ATAD3A: variants seen among roughly 807,000 people sequenced by gnomAD.
The protein encoded by ATAD3A is ATPase family AAA domain containing 3A.
In ATAD3A, 46 loss-of-function variants were observed where a neutral mutation model predicts 73.8. The ratio of observed to expected loss-of-function variants is 0.62; its 90% CI spans 0.49 to 0.80. The LOEUF (loss-of-function observed/expected upper bound fraction) is 0.80, where lower values mean the gene tolerates loss of function less well. Among genes scored for constraint, ATAD3A ranks in the 30% least tolerant of loss-of-function variants. The pLI, the probability that ATAD3A is intolerant of heterozygous loss-of-function variation, is 0.00. For missense variants in ATAD3A, 705 were observed against 838.0 expected, an observed-to-expected ratio of 0.84 and a Z score of 1.96; for synonymous variants, 319 against 350.0, an observed-to-expected ratio of 0.91 and a Z score of 0.99.
At chr1:1,525,376 A>G in intron 12 of ATAD3A, 85 bp downstream of exon 12, 10 of 1,463,164 alleles carry the variant, frequency 6.8e-6, no homozygotes, top group East Asian at 2.3e-5. Flanking sequence ...CCCTCTGTTC[A>G]GTTTCTTTTT....
Position 1,523,265 on chromosome 1 carries a change from G to C in ATAD3A, c.907-246G>C, listed in dbSNP as rs1459310732. ...GCCGCTCGCCGCCCCCGAGGTGCCT[G>C]CTCTCCACAGGTCACTGGGTAGGTG... On this transcript the variant is annotated intron_variant, in intron 8 of 15. Transcript: ENST00000378756. The surrounding 1 kb of genome is among the most constrained non-coding windows in gnomAD (Gnocchi z 5.1). 4.6e-5 allele frequency among the ~76,000 whole-genome samples: 7 copies of C among 152,128 alleles called. No individual in the cohort carries two copies. The highest frequency in any genetic ancestry group is 4.6e-4 in the Admixed American group (7 of 15,282).
chr1:1,533,237 G>T (rs1642095343), intron 15 of ATAD3A, among the ~76,000 whole-genome samples: 1 of 152,182 alleles, frequency 6.6e-6, no homozygotes, highest in South Asian at 2.1e-4. Context: ...TGAGCACGGT[G>T]CCCAGTGGGG....
intron 15 of ATAD3A, among the ~76,000 whole-genome samples, chr1:1,533,549 A>G (rs1642106945): frequency 6.6e-6 from 1 of 152,038 alleles, no homozygotes; most frequent in Non-Finnish European, 1.5e-5. Flanking sequence ...TCAGGGTCTG[A>G]GGGTCTGAGG....
chr1:1,515,205 T>C (rs1641318142), intron 1 of ATAD3A, among the ~76,000 whole-genome samples: 1 of 152,098 alleles, frequency 6.6e-6, no homozygotes, highest in Admixed American at 6.6e-5. Flanking sequence ...AGCCTCAGAG[T>C]AGCTGGGATT....
Position 1,520,731 on chromosome 1 carries a change from G to C in ATAD3A, c.750+114G>C, listed in dbSNP as rs1481304962. ...TCTGCACAGCCCTGTAGCTCTCCCA[G>C]CAGGGAGGAAGCCCACGTTGTACCT... On this transcript the variant is annotated intron_variant, in intron 7 of 15. Coordinates refer to ENST00000378756, the MANE Select transcript of ATAD3A (RefSeq NM_001170535.3). This position sits in a 1 kb window ranked among gnomAD's most constrained non-coding sequence, Gnocchi z 4.0. The C allele has an allele frequency of 1.8e-5, 28 of 1,529,258 alleles. No homozygotes were observed. The East Asian group carries it at 6.2e-4, about 34-fold the overall frequency. The allele number at this position is 1,529,258 out of a possible 1,614,324, so 94.7% of individuals were successfully genotyped here.
Position 1,523,899 on chromosome 1 carries a change from C to A in ATAD3A, c.1024C>A (p.Arg342Ser). 1.2e-6 allele frequency: 2 copies of A among 1,614,036 alleles called. No homozygotes were observed. Among genetic ancestry groups the A allele is most frequent in the South Asian group, 2.2e-5 (2 of 91,082 alleles). Residue 342 changes from arginine (R) to serine (S), a missense_variant, in exon 10 of 16, where the codon CGC becomes AGC. By Grantham distance (110) the Arg-to-Ser change is moderately radical. Coordinates refer to ENST00000378756, the MANE Select transcript of ATAD3A (RefSeq NM_001170535.3). The surrounding 1 kb of genome is among the most constrained non-coding windows in gnomAD (Gnocchi z 5.1). Reference protein sequence around the residue: ...AIATRNTKKNRSLYRNILMYG... With the variant: ...AIATRNTKKNSSLYRNILMYG... ...AGCAACAAGGAACACCAAGAAGAACCGCAGCCTGTACAGGAACATCCTGAT... is the reference window on the plus strand; with the variant it reads ...AGCAACAAGGAACACCAAGAAGAACAGCAGCCTGTACAGGAACATCCTGAT...
Position 1,523,742 on chromosome 1 carries a change from A to T in ATAD3A, c.964-97A>T. 1.9e-6 allele frequency: 3 copies of T among 1,593,564 alleles called. No individual in the cohort carries two copies. The South Asian group carries it at 3.4e-5, about 18-fold the overall frequency. Reference sequence around the variant, plus strand: ...TGCCCCTGAGGTGGGAGGCTTCCCGAGGAGCCGAGTCTGCACCCAGGCATT... The same window carrying T: ...TGCCCCTGAGGTGGGAGGCTTCCCGTGGAGCCGAGTCTGCACCCAGGCATT... On this transcript the variant is annotated intron_variant, in intron 9 of 15. Transcript: ENST00000378756. This position sits in a 1 kb window ranked among gnomAD's most constrained non-coding sequence, Gnocchi z 5.1.
At chr1:1,530,828 CAAAAAAAAA>C (rs1174830616) in intron 15 of ATAD3A, among the ~76,000 whole-genome samples, 9 of 13,436 alleles carry the variant, frequency 6.7e-4, no homozygotes, top group African/African-American at 2.4e-3. Flanking sequence ...GACTCCGTCT[CAAAAAAAAA>C]AAAAAAAAAA....
At position 1,526,069 on chromosome 1, in the gene ATAD3A, C is replaced by G. The variant is rs963987646; in HGVS notation, c.1267-392C>G. Among the ~76,000 whole-genome samples the G allele has an allele frequency of 1.7e-3, 258 of 151,348 alleles. 7 individuals carry two copies. Among genetic ancestry groups the G allele is most frequent in the Non-Finnish European group, 2.8e-4 (19 of 67,882 alleles). On this transcript the variant is annotated intron_variant, in intron 12 of 15. Transcript: ENST00000378756. ...GCAGAATTTTACTCTGTTGCCCACG[C>G]TGGAGTGCAGCGGTGCAATTTCAGC... is the stretch of plus-strand genomic sequence containing the variant.
At chr1:1,532,342 T>C (rs76908803) in intron 15 of ATAD3A, among the ~76,000 whole-genome samples, 1 of 152,186 alleles carries the variant, frequency 6.6e-6, no homozygotes, top group African/African-American at 2.4e-5. Flanking sequence ...GTCCAAGAGT[T>C]TGAGGAGTGA....
chr1:1,520,154 G>T lies in ATAD3A; in HGVS notation c.528G>T (p.Arg176=). 1 of 1,611,040 alleles carries T rather than the reference G, an allele frequency of 6.2e-7. No homozygotes were observed. Among genetic ancestry groups the T allele is most frequent in the Non-Finnish European group, 8.5e-7 (1 of 1,179,492 alleles). Residue 176 remains arginine (R), a synonymous_variant, in exon 6 of 16, where the codon CGG becomes CGT. Coordinates refer to ENST00000378756, the MANE Select transcript of ATAD3A (RefSeq NM_001170535.3). The surrounding 1 kb of genome is among the most constrained non-coding windows in gnomAD (Gnocchi z 4.0). Reference sequence around the variant, plus strand: ...TCTCTGGGGCAGCCACCGTGGAGCGGGAGATGGAGCTGCGGCACAAGAATG... The same window carrying T: ...TCTCTGGGGCAGCCACCGTGGAGCGTGAGATGGAGCTGCGGCACAAGAATG... ...QEAMRRATVE[R]EMELRHKNEM...
intron 12 of ATAD3A, among the ~76,000 whole-genome samples, chr1:1,525,666 G>T (rs957916468): frequency 2.0e-5 from 3 of 151,914 alleles, no homozygotes; most frequent in Middle Eastern, 6.3e-3. Context: ...CTCCCGCCTT[G>T]GCCTCCCAAA....
Position 1,534,093 on chromosome 1 carries a change from C to G in ATAD3A, c.*21C>G, listed in dbSNP as rs1459209238. The G allele has an allele frequency of 6.2e-7, 1 of 1,613,278 alleles. No individual in the cohort carries two copies. Among genetic ancestry groups the G allele is most frequent in the Admixed American group, 1.7e-5 (1 of 59,982 alleles). The stretch of plus-strand genomic sequence containing the variant: ...CCTGAGTCCACAGGGAGATCCACAG[C>G]TCACGGAGCCTGGCCGCGGACCCCT... On this transcript the variant is annotated 3_prime_UTR_variant, in exon 16 of 16. Transcript: ENST00000378756.
intron 14 of ATAD3A, 119 bp downstream of exon 14, chr1:1,527,981 CAA>C: frequency 1.8e-6 from 2 of 1,128,444 alleles, no homozygotes; most frequent in Middle Eastern, 3.1e-4. Flanking sequence ...TTTTTTGAGA[CAA>C]AGTCTCATTC....
intron 14 of ATAD3A, among the ~76,000 whole-genome samples, 193 bp downstream of exon 14, chr1:1,528,055 G>A (rs1295352074): frequency 1.3e-5 from 2 of 151,752 alleles, no homozygotes; most frequent in Non-Finnish European, 2.9e-5. Context: ...TGCCTCCCGG[G>A]TTCAAACAAT....
In ATAD3A at chr1:1,533,941, T is replaced by C. The variant is rs1287859639; in HGVS notation, c.1630T>C (p.Ser544Pro). 1.2e-6 allele frequency: 2 copies of C among 1,612,974 alleles called. No homozygotes were observed. The highest frequency in any genetic ancestry group is 1.7e-5 in the Admixed American group (1 of 59,988). ...AVSWQATAYASEDGVLTEAMM... is the reference protein window; with the variant it reads ...AVSWQATAYAPEDGVLTEAMM... ...TCCCCACTAGGCCACGGCGTATGCC[T>C]CCGAGGACGGGGTCCTGACCGAGGC... Residue 544 changes from serine to proline, a missense_variant, in exon 16 of 16, where the codon TCC becomes CCC. Transcript: ENST00000378756.
Position 1,534,304 on chromosome 1 carries a change from C to T in ATAD3A, c.*232C>T. On this transcript the variant is annotated 3_prime_UTR_variant, in exon 16 of 16. Transcript: ENST00000378756. Reference sequence around the variant, plus strand: ...GGCCTCCTTCCTGCCCCTCGAGACACTCTTGGGAGATGCATTTTCCGTCTG... The same window carrying T: ...GGCCTCCTTCCTGCCCCTCGAGACATTCTTGGGAGATGCATTTTCCGTCTG... 2 of 1,431,058 alleles carry T rather than the reference C, an allele frequency of 1.4e-6. No homozygotes were observed. Among genetic ancestry groups the T allele is most frequent in the Non-Finnish European group, 1.8e-6 (2 of 1,098,500 alleles). 88.6% of individuals were successfully genotyped at this position (1,431,058 alleles called of 1,614,324 possible).
intron 1 of ATAD3A, among the ~76,000 whole-genome samples, chr1:1,515,087 A>G (rs1167298133): frequency 6.6e-6 from 1 of 151,788 alleles, no homozygotes; most frequent in African/African-American, 2.4e-5. Context: ...GTTGGCCCGG[A>G]TGGAGATTTT....
At position 1,522,857 on chromosome 1, in the gene ATAD3A, G is replaced by C. The variant is rs138532467; in HGVS notation, c.864G>C (p.Thr288=). Residue 288 remains threonine (T), a synonymous_variant, in exon 8 of 16, where the codon ACG becomes ACC. Coordinates refer to ENST00000378756, the MANE Select transcript of ATAD3A (RefSeq NM_001170535.3). ...GGAAGCCGTCCCTAGTGAGGGAGAC[G>C]TCCCGCATCACGGTGCTTGAGGCGC... ...RLGKPSLVRE[T]SRITVLEALR... 4.3e-6 allele frequency: 7 copies of C among 1,610,028 alleles called. No individual in the cohort carries two copies. The African/African-American group carries it at 8.1e-5, about 19-fold the overall frequency.
Sources: allele counts gnomAD v4.1 joint callset (sites outside exome capture counted in the v4.1 genomes callset), GRCh38; gene constraint gnomAD v4.1.1; non-coding constraint Gnocchi (gnomAD v3.1); transcripts MANE v1.5; gene names NCBI Gene and HGNC (gene_info 2026-07-23, HGNC 2026-07-21).